Variants in CRHR1 observed in about 807,000 individuals in gnomAD.
CRHR1 encodes the protein corticotropin-releasing hormone receptor 1.
Under a neutral mutation model 56.0 loss-of-function variants are expected in CRHR1, and 28 were observed. That is an observed-to-expected ratio of 0.50 (90% confidence interval 0.37 to 0.69). The LOEUF is 0.69. Among genes scored for constraint, CRHR1 ranks in the 30% least tolerant of loss-of-function variants. The probability of loss-of-function intolerance (pLI) is 0.00; values close to 1 mark genes in which losing one functional copy is unlikely to be tolerated. For synonymous variants in CRHR1, 195 were observed against 216.5 expected (o/e 0.90, Z 0.87); for missense variants, 376 against 548.0 (o/e 0.69, Z 3.13).
At chr17:45,799,255 C>A in intron 1 of CRHR1, 1 of 152,384 alleles carries the variant, frequency 6.6e-6, no homozygotes. Flanking sequence ...AGAAATTCTG[C>A]AGAAACCACA....
intron 1 of CRHR1, among the ~76,000 whole-genome samples, chr17:45,798,929 A>G (rs2061570709): frequency 6.6e-6 from 1 of 152,230 alleles, no homozygotes; most frequent in African/African-American, 2.4e-5. Flanking sequence ...GCCTGGAATA[A>G]TCTTTCAGTG....
chr17:45,797,473 G>A lies in CRHR1; in HGVS notation c.34-9537G>A, dbSNP rs895394647. On this transcript the variant is annotated intron_variant, in intron 1 of 12. Transcript: ENST00000314537. ...GCCCAGCTAGTTTTTTGTATTTTTA[G>A]TAGAGACGGGGTTTCACTGTGGTCT... 4.6e-5 allele frequency among the ~76,000 whole-genome samples: 7 copies of A among 151,804 alleles called. No individual in the cohort carries two copies. In the South Asian group the frequency reaches 1.5e-3, roughly 32 times the overall value.
intron 4 of CRHR1, chr17:45,827,277 C>G (rs1198849083): frequency 1.3e-5 from 2 of 152,340 alleles, no homozygotes; most frequent in African/African-American, 4.8e-5. Context: ...AGGCAGGGGC[C>G]CTGGAAGGCA....
intron 2 of CRHR1, among the ~76,000 whole-genome samples, chr17:45,813,039 C>T (rs541406584): frequency 2.6e-5 from 4 of 152,308 alleles, no homozygotes; most frequent in South Asian, 2.1e-4. Flanking sequence ...GTCCGCAGGA[C>T]GCAGGATGGC....
Position 45,801,402 on chromosome 17 carries a change from C to A in CRHR1, c.34-5608C>A, listed in dbSNP as rs114491146. 1.0e-2 allele frequency among the ~76,000 whole-genome samples: 1,518 copies of A among 152,262 alleles called. 31 individuals are homozygous for A. The highest frequency in any genetic ancestry group is 0.034 in the African/African-American group (1,397 of 41,542). On this transcript the variant is annotated intron_variant, in intron 1 of 12. Transcript: ENST00000314537. ...CAGACTTAAAATGGGAGCATGATAC[C>A]CGCCCAGTCTGCTTTCCCTTCCATC...
chr17:45,823,568 G>A (rs1220097508), intron 4 of CRHR1, among the ~76,000 whole-genome samples: 2 of 152,024 alleles, frequency 1.3e-5, no homozygotes, highest in East Asian at 1.9e-4. Flanking sequence ...CCACCATGCT[G>A]GGCTAATTTT....
Position 45,790,566 on chromosome 17 carries a change from AT to A in CRHR1, c.33+5992del, listed in dbSNP as rs2061408282. ...TCTTTCTGCCCTATAAGCACAGGCA[AT>A]TTGTCCATCTCACCCGCCTGGCACT... On this transcript the variant is annotated intron_variant, in intron 1 of 12. Coordinates refer to ENST00000314537, the MANE Select transcript of CRHR1 (RefSeq NM_004382.5). Among the ~76,000 whole-genome samples, 4 of 152,192 alleles carry A rather than the reference AT, an allele frequency of 2.6e-5. No individual in the cohort carries two copies. In the South Asian group the frequency reaches 8.3e-4, roughly 32 times the overall value.
chr17:45,817,228 C>A (rs2061947816), intron 3 of CRHR1, among the ~76,000 whole-genome samples: 1 of 152,230 alleles, frequency 6.6e-6, no homozygotes, highest in Non-Finnish European at 1.5e-5. Flanking sequence ...CCCTGCTATT[C>A]CGCCTGCCAC....
chr17:45,788,716 CT>C (rs2061377187), intron 1 of CRHR1, among the ~76,000 whole-genome samples: 2 of 152,206 alleles, frequency 1.3e-5, no homozygotes, highest in South Asian at 4.1e-4. Context: ...ACTAGCAGCT[CT>C]TGGACATGCA....
At chr17:45,808,685 A>T (rs193160011) in intron 2 of CRHR1, among the ~76,000 whole-genome samples, 1 of 152,216 alleles carries the variant, frequency 6.6e-6, no homozygotes, top group East Asian at 1.9e-4. Context: ...ATCTCACTCT[A>T]TCACCTAGGC....
chr17:45,833,703 C>A lies in CRHR1; in HGVS notation c.930-11C>A. The A allele has an allele frequency of 8.3e-7, 1 of 1,208,182 alleles. No homozygotes were observed. Among genetic ancestry groups the A allele is most frequent in the South Asian group, 1.2e-5 (1 of 82,218 alleles). The allele number at this position is 1,208,182 out of a possible 1,614,324, so 74.8% of individuals were successfully genotyped here. A position where few individuals can be genotyped will look rare whatever the true frequency, so the allele number is the denominator to read the frequency against. On this transcript the variant is annotated splice_polypyrimidine_tract_variant and intron_variant, in intron 10 of 12. Transcript: ENST00000314537. Reference sequence around the variant, plus strand: ...CTGTGACTCCGAGCCTCCCCACCCGCCCCACCCCAGGAAGGCTGTGAAAGC... The same window carrying A: ...CTGTGACTCCGAGCCTCCCCACCCGACCCACCCCAGGAAGGCTGTGAAAGC...
chr17:45,808,085 C>A (rs2061752728), intron 2 of CRHR1, among the ~76,000 whole-genome samples: 1 of 152,212 alleles, frequency 6.6e-6, no homozygotes, highest in Non-Finnish European at 1.5e-5. Context: ...TTCACACCAA[C>A]TCTTTCATGA....
intron 1 of CRHR1, among the ~76,000 whole-genome samples, chr17:45,797,733 A>G (rs1443944021): frequency 2.6e-5 from 4 of 152,170 alleles, no homozygotes; most frequent in Non-Finnish European, 4.4e-5. Context: ...GGGGGCAGAT[A>G]AAAGATTCCA....
At chr17:45,786,698 GGT>G (rs2061343109) in intron 1 of CRHR1, among the ~76,000 whole-genome samples, 2 of 137,086 alleles carry the variant, frequency 1.5e-5, no homozygotes. Context: ...GGAGTGTAAT[GGT>G]GTGATCATGG....
intron 1 of CRHR1, among the ~76,000 whole-genome samples, chr17:45,786,898 C>T (rs2061347195): frequency 6.6e-6 from 1 of 152,128 alleles, no homozygotes; most frequent in Non-Finnish European, 1.5e-5. Context: ...GCCTCGGCCT[C>T]CCAAAGTGCT....
chr17:45,791,852 T>TCTCTCTCA (rs60388646), intron 1 of CRHR1, among the ~76,000 whole-genome samples: 4 of 121,024 alleles, frequency 3.3e-5, no homozygotes, highest in East Asian at 2.4e-4. Context: ...TCTCTCTCTC[T>TCTCTCTCA]CACACACACA....
chr17:45,821,557 A>G (rs1372888050), intron 4 of CRHR1, 117 bp downstream of exon 4: 23 of 973,082 alleles, frequency 2.4e-5, no homozygotes, highest in Non-Finnish European at 3.5e-5. Context: ...GCCCTGCTCT[A>G]GTGAAGCTGA....
chr17:45,831,108 C>A (rs2062299021), intron 8 of CRHR1, among the ~76,000 whole-genome samples, 168 bp downstream of exon 8: 1 of 147,404 alleles, frequency 6.8e-6, no homozygotes, highest in Non-Finnish European at 1.5e-5. Flanking sequence ...GGGTCCCTGC[C>A]TGTGCTCTGC....
At chr17:45,799,038 G>A (rs1222485779) in intron 1 of CRHR1, among the ~76,000 whole-genome samples, 1 of 152,246 alleles carries the variant, frequency 6.6e-6, no homozygotes, top group Admixed American at 6.5e-5. Flanking sequence ...CCAGGCCCGA[G>A]GCGGGATGGG....
Sources: gnomAD v4.1 joint callset for allele counts (sites outside exome capture counted in the v4.1 genomes callset) on GRCh38, gnomAD v4.1.1 for gene constraint, MANE v1.5 for transcripts, NCBI Gene and HGNC (gene_info 2026-07-23, HGNC 2026-07-21) for gene names.